HSPA2: variants seen among roughly 807,000 people sequenced by gnomAD.
HSPA2 encodes the protein heat shock-related 70 kDa protein 2.
HSPA2 carries 13 observed loss-of-function variants against 35.0 expected under a neutral mutation model. The observed-to-expected ratio is 0.37, with a 90% CI of 0.24 to 0.59. The LOEUF is 0.59. Among genes scored for constraint, HSPA2 ranks in the 20% least tolerant of loss-of-function variants. The pLI, the probability that HSPA2 is intolerant of heterozygous loss-of-function variation, is 0.70. For synonymous variants in HSPA2, 368 were observed against 382.1 expected (o/e 0.96, Z 0.43); for missense variants, 565 against 885.4 (o/e 0.64, Z 4.59).
At chr14:64,540,480 G>A (rs1480871338), upstream of HSPA2, 4 of 269,364 alleles carry the variant, frequency 1.5e-5, no homozygotes, top group Non-Finnish European at 2.8e-5. Context: ...AGCAGCAGGA[G>A]GCGCGCGAGG....
At chr14:64,538,048 TC>T (rs2079992794), upstream of HSPA2, among the ~76,000 whole-genome samples, 1 of 152,100 alleles carries the variant, frequency 6.6e-6, no homozygotes. Context: ...CTTTAAAACG[TC>T]CCCTTTTTCA....
chr14:64,540,508 C>T (rs1051649277), upstream of HSPA2: 13 of 289,090 alleles, frequency 4.5e-5, no homozygotes, highest in African/African-American at 2.6e-4. Context: ...GCCTGGCGGC[C>T]GAGAGTCAGG....
chr14:64,540,648 C>T, upstream of HSPA2: 1 of 728,438 alleles, frequency 1.4e-6, no homozygotes, highest in Non-Finnish European at 2.2e-6. Flanking sequence ...TGTGGTGGAG[C>T]TGGAAGAGTT....
upstream of HSPA2, among the ~76,000 whole-genome samples, chr14:64,537,458 G>C (rs781556870): frequency 2.0e-5 from 3 of 151,894 alleles, no homozygotes; most frequent in Non-Finnish European, 4.4e-5. Flanking sequence ...TGGACGTGCT[G>C]GTGCACATAA....
rs1566642682 is a variant in HSPA2 at position 64,541,179 on chromosome 14, G to A, written c.330G>A (p.Gly110=). ...GKPKVQVEYK[G]ETKTFFPEEI... ...CCAAAGTGCAAGTAGAGTACAAGGG[G>A]GAGACCAAGACCTTCTTCCCAGAGG... Residue 110 remains glycine, a synonymous_variant, in exon 1 of 1, where the codon GGG becomes GGA. Transcript: ENST00000247207. 1.2e-6 allele frequency: 2 copies of A among 1,614,208 alleles called. No homozygotes were observed. The highest frequency in any genetic ancestry group is 1.7e-6 in the Non-Finnish European group (2 of 1,180,044).
upstream of HSPA2, among the ~76,000 whole-genome samples, chr14:64,538,412 C>A (rs560092491): frequency 3.9e-5 from 6 of 152,324 alleles, no homozygotes; most frequent in East Asian, 7.7e-4. Flanking sequence ...ACCTGAAGAG[C>A]CTATTGCTTG....
Position 64,541,411 on chromosome 14 carries a change from A to G in HSPA2, c.562A>G (p.Lys188Glu). The G allele has an allele frequency of 2.5e-6, 4 of 1,613,814 alleles. No homozygotes were observed. Among genetic ancestry groups the G allele is most frequent in the Non-Finnish European group, 3.4e-6 (4 of 1,179,996 alleles). Reference protein sequence around the residue: ...TAAAIAYGLDKKGCAGGEKNV... With the variant: ...TAAAIAYGLDEKGCAGGEKNV... The stretch of plus-strand genomic sequence containing the variant: ...GGCGGCCATCGCCTACGGCCTGGAC[A>G]AGAAGGGCTGCGCGGGCGGCGAGAA... The change falls in exon 1 of 1, where the codon AAG becomes GAG. Residue 188 changes from lysine to glutamate, a missense_variant. Lys to Glu is a moderately conservative substitution (Grantham distance 56, BLOSUM62 1). Coordinates refer to ENST00000247207, the MANE Select transcript of HSPA2 (RefSeq NM_021979.4).
Position 64,542,778 on chromosome 14 carries a change from T to C in HSPA2, c.*9T>C. 2.5e-6 allele frequency: 4 copies of C among 1,590,988 alleles called. No individual in the cohort carries two copies. The highest frequency in any genetic ancestry group is 3.4e-6 in the Non-Finnish European group (4 of 1,168,994). ...TCGAAGAAGTGGACTAAGCTTGCAC[T>C]CAAGTCAGCGTAAACCTCTTTGCCT... On this transcript the variant is annotated 3_prime_UTR_variant, in exon 1 of 1. Coordinates refer to ENST00000247207, the MANE Select transcript of HSPA2 (RefSeq NM_021979.4). This position sits in a 1 kb window ranked among gnomAD's most constrained non-coding sequence, Gnocchi z 5.7.
At chr14:64,539,137 A>T (rs1209357309), upstream of HSPA2, among the ~76,000 whole-genome samples, 1 of 152,084 alleles carries the variant, frequency 6.6e-6, no homozygotes, top group Non-Finnish European at 1.5e-5. Context: ...CCTGCTTCTA[A>T]AGATTATTAC....
chr14:64,540,882 C>A lies in HSPA2; in HGVS notation c.33C>A (p.Asp11Glu). The A allele has an allele frequency of 6.2e-7, 1 of 1,614,150 alleles. No homozygotes were observed. The change falls in exon 1 of 1, where the codon GAC (aspartate) becomes GAA (glutamate). Residue 11 changes from aspartate (D) to glutamate (E), a missense_variant. Asp to Glu is a conservative substitution (Grantham distance 45, BLOSUM62 2). Coordinates refer to ENST00000247207, the MANE Select transcript of HSPA2 (RefSeq NM_021979.4). ...CCCGTGGCCCGGCTATCGGCATCGA[C>A]CTGGGCACCACCTATTCGTGCGTCG... is the stretch of plus-strand genomic sequence containing the variant. Reference protein sequence around the residue: MSARGPAIGIDLGTTYSCVGV... With the variant: MSARGPAIGIELGTTYSCVGV...
chr14:64,540,680 G>A, upstream of HSPA2: 1 of 1,020,926 alleles, frequency 9.8e-7, no homozygotes, highest in Non-Finnish European at 1.4e-6. Flanking sequence ...TCCCGGGAGC[G>A]GATTGGGTCT....
chr14:64,537,673 A>T (rs1025938371), upstream of HSPA2, among the ~76,000 whole-genome samples: 1 of 151,184 alleles, frequency 6.6e-6, no homozygotes, highest in African/African-American at 2.4e-5. Flanking sequence ...ACAATTTATG[A>T]CAGTTTCAAT....
upstream of HSPA2, chr14:64,540,649 T>C (rs2080019974): frequency 1.4e-6 from 1 of 730,702 alleles, no homozygotes; most frequent in Non-Finnish European, 2.2e-6. Context: ...GTGGTGGAGC[T>C]GGAAGAGTTT....
upstream of HSPA2, among the ~76,000 whole-genome samples, chr14:64,539,742 C>A (rs748597764): frequency 6.6e-6 from 1 of 152,046 alleles, no homozygotes; most frequent in Non-Finnish European, 1.5e-5. Flanking sequence ...AGTGTAGTGG[C>A]GTGATCTCGG....
At chr14:64,538,052 CTTTTTCAAAAT>C (rs1371331568), upstream of HSPA2, among the ~76,000 whole-genome samples, 1 of 152,094 alleles carries the variant, frequency 6.6e-6, no homozygotes, top group Non-Finnish European at 1.5e-5. Context: ...AAAACGTCCC[CTTTTTCAAAAT>C]TTTTTCAAAT....
rs375274677 is a variant in HSPA2, at chr14:64,540,859, C to T, written c.10C>T (p.Arg4Cys). The T allele has an allele frequency of 9.9e-6, 16 of 1,613,922 alleles. No individual in the cohort carries two copies. The highest frequency in any genetic ancestry group is 1.4e-5 in the Non-Finnish European group (16 of 1,180,002). The change falls in exon 1 of 1, where the codon CGT becomes TGT. Residue 4 changes from arginine to cysteine, a missense_variant. Physicochemically the swap from Arg to Cys is radical, Grantham distance 180. Transcript: ENST00000247207. MSARGPAIGIDLGT... is the reference protein window; with the variant it reads MSACGPAIGIDLGT... ...TCGCCTTTCAGTCAGGATGTCTGCC[C>T]GTGGCCCGGCTATCGGCATCGACCT... is the stretch of plus-strand genomic sequence containing the variant.
rs765249545 is a variant in HSPA2 at position 64,541,888 on chromosome 14, C to T, written c.1039C>T (p.Pro347Ser). ...GCTGGTGGGCGGCTCCACTCGTATC[C>T]CCAAGATCCAGAAGCTGCTGCAGGA... ...IVLVGGSTRI[P>S]KIQKLLQDFF... is the part of the protein sequence containing the mutation. The change falls in exon 1 of 1, where the codon CCC becomes TCC. Residue 347 changes from proline (P) to serine (S), a missense_variant. Around this residue, in one of 4 missense-constraint regions of HSPA2, gnomAD observed 234 missense variants for 419.0 expected, o/e 0.56. Transcript: ENST00000247207. 5.9e-5 allele frequency: 95 copies of T among 1,613,468 alleles called. No homozygotes were observed. Among genetic ancestry groups the T allele is most frequent in the Non-Finnish European group, 7.8e-5 (92 of 1,180,026 alleles).
At position 64,540,832 on chromosome 14, in the gene HSPA2, G is replaced by T. The variant is rs748779336; in HGVS notation, c.-18G>T. The T allele has an allele frequency of 2.3e-5, 37 of 1,612,808 alleles. No homozygotes were observed. Among genetic ancestry groups the T allele is most frequent in the Non-Finnish European group, 3.1e-5 (36 of 1,179,214 alleles). On this transcript the variant is annotated 5_prime_UTR_variant, in exon 1 of 1. Transcript: ENST00000247207. ...TCCCTGGTTTTCCCGTCCTAACGTC[G>T]CTCGCCTTTCAGTCAGGATGTCTGC...
chr14:64,542,466 C>G lies in HSPA2; in HGVS notation c.1617C>G (p.Val539=). Residue 539 remains valine (V), a synonymous_variant, in exon 1 of 1, where the codon GTC becomes GTG. Transcript: ENST00000247207. The surrounding 1 kb of genome is among the most constrained non-coding windows in gnomAD (Gnocchi z 5.7). ...AAGATGAGGCGAATCGCGACCGAGT[C>G]GCGGCCAAAAACGCCCTGGAGTCCT... ...KSEDEANRDR[V]AAKNALESYT... is the part of the protein sequence containing the mutation. 6.2e-7 allele frequency: 1 copy of G among 1,613,552 alleles called. No individual in the cohort carries two copies.
Sources: allele counts gnomAD v4.1 joint callset (sites outside exome capture counted in the v4.1 genomes callset), GRCh38; gene constraint gnomAD v4.1.1; regional missense constraint gnomAD v4.1.1; non-coding constraint Gnocchi (gnomAD v3.1); transcripts MANE v1.5; gene names NCBI Gene and HGNC (gene_info 2026-07-23, HGNC 2026-07-21).